Variants in KTN1 observed in about 807,000 individuals in gnomAD.
KTN1 encodes kinectin.
In KTN1, 130 loss-of-function variants were observed where a neutral mutation model predicts 222.5. The observed-to-expected ratio is 0.58, with a 90% confidence interval of 0.51 to 0.68. KTN1 has a LOEUF of 0.68. Among genes scored for constraint, KTN1 ranks in the 30% least tolerant of loss-of-function variants. The pLI, the probability that KTN1 is intolerant of heterozygous loss-of-function variation, is 0.00. For synonymous variants in KTN1, 512 were observed against 496.3 expected (o/e 1.03, Z -0.42); for missense variants, 1,508 against 1,500.4 (o/e 1.01, Z -0.08).
At chr14:55,677,500 A>G (rs1041592150) in intron 41 of KTN1, among the ~76,000 whole-genome samples, 3 of 151,530 alleles carry the variant, frequency 2.0e-5, no homozygotes, top group African/African-American at 7.3e-5. Flanking sequence ...AAAAAAGTTA[A>G]TAACATACTT....
intron 41 of KTN1, among the ~76,000 whole-genome samples, chr14:55,677,473 T>TGAAA (rs1480126453): frequency 1.0e-5 from 1 of 98,338 alleles, no homozygotes; most frequent in Non-Finnish European, 2.1e-5. Flanking sequence ...AAAGACTGTC[T>TGAAA]AAAAAAAAAA....
intron 5 of KTN1, among the ~76,000 whole-genome samples, chr14:55,627,571 C>T (rs756027129): frequency 2.6e-5 from 4 of 152,154 alleles, no homozygotes; most frequent in Non-Finnish European, 4.4e-5. Flanking sequence ...CTGTCATCTA[C>T]ATTAGGTATT....
At chr14:55,630,606 C>T (rs2040400837) in intron 7 of KTN1, among the ~76,000 whole-genome samples, 1 of 151,942 alleles carries the variant, frequency 6.6e-6, no homozygotes. Context: ...ATGAGAAATA[C>T]AGTAAGAGTT....
chr14:55,674,632 T>C (rs1207075205), intron 40 of KTN1: 1 of 152,180 alleles, frequency 6.6e-6, no homozygotes, highest in Non-Finnish European at 1.5e-5. Context: ...CATTTCTAAC[T>C]AGTTGTTAGA....
chr14:55,582,944 T>G (rs1442455156), intron 1 of KTN1, among the ~76,000 whole-genome samples: 1 of 152,194 alleles, frequency 6.6e-6, no homozygotes, highest in Non-Finnish European at 1.5e-5. Flanking sequence ...GTGACATTGG[T>G]GATCACTCAT....
intron 5 of KTN1, among the ~76,000 whole-genome samples, chr14:55,619,669 C>T (rs1262504903): frequency 6.6e-6 from 1 of 152,022 alleles, no homozygotes; most frequent in Non-Finnish European, 1.5e-5. Context: ...ACCATCAGAC[C>T]TTGTAAGGCT....
At chr14:55,654,488 A>G (rs912023184) in intron 28 of KTN1, among the ~76,000 whole-genome samples, 1 of 150,996 alleles carries the variant, frequency 6.6e-6, no homozygotes, top group African/African-American at 2.4e-5. Flanking sequence ...TTTATAGTAG[A>G]GATATGTAGA....
chr14:55,647,157 C>T, intron 19 of KTN1, 150 bp downstream of exon 19: 2 of 593,234 alleles, frequency 3.4e-6, no homozygotes, highest in Non-Finnish European at 6.0e-6. Context: ...TTGTGGGTTT[C>T]ACGTGTGGCA....
intron 5 of KTN1, among the ~76,000 whole-genome samples, chr14:55,626,277 A>G (rs989638889): frequency 1.3e-5 from 2 of 150,474 alleles, no homozygotes; most frequent in Non-Finnish European, 3.0e-5. Flanking sequence ...TCTCTTCACC[A>G]TTGTCTCTAT....
chr14:55,602,429 AT>A (rs1298632451), intron 1 of KTN1, among the ~76,000 whole-genome samples: 1 of 152,194 alleles, frequency 6.6e-6, no homozygotes. Context: ...TCGCAGTGAG[AT>A]TATAAATTCA....
rs553022066 is a variant in KTN1 at position 55,642,871 on chromosome 14, G to A, written c.2172+1111G>A. The stretch of plus-strand genomic sequence containing the variant: ...GTAATAGAGGAGACAGTGCTGAAGG[G>A]ATGATATTTAGTTTAAATGGCATTT... On this transcript the variant is annotated intron_variant, in intron 18 of 43. Coordinates refer to ENST00000395314, the MANE Select transcript of KTN1 (RefSeq NM_001079521.2). Among the ~76,000 whole-genome samples, 21 of 151,472 alleles carry A rather than the reference G, an allele frequency of 1.4e-4. No individual in the cohort carries two copies. The South Asian group carries it at 2.9e-3, about 21-fold the overall frequency.
chr14:55,582,821 A>G (rs149197764), intron 1 of KTN1, among the ~76,000 whole-genome samples: 2 of 152,294 alleles, frequency 1.3e-5, no homozygotes, highest in African/African-American at 4.8e-5. Context: ...GATCGTTCAT[A>G]TATTTGAGAA....
Position 55,641,209 on chromosome 14 carries a change from G to A in KTN1, c.2103+1G>A. 1.9e-6 allele frequency: 3 copies of A among 1,566,130 alleles called. No individual in the cohort carries two copies. The highest frequency in any genetic ancestry group is 1.7e-6 in the Non-Finnish European group (2 of 1,150,456). ...TTCAAACAAAATGGAAGAATTTAAG[G>A]TGTGTGATTAAGCTTGTACACTCAG... On this transcript the variant is annotated splice_donor_variant, in intron 17 of 43. Coordinates refer to ENST00000395314, the MANE Select transcript of KTN1 (RefSeq NM_001079521.2). LOFTEE classifies it high-confidence loss of function.
chr14:55,671,372 C>T, intron 35 of KTN1, 194 bp from the exon 36 acceptor site: 1 of 561,124 alleles, frequency 1.8e-6, no homozygotes, highest in East Asian at 3.0e-5. Context: ...TTTATTATAA[C>T]ATTGTTTAAT....
chr14:55,587,774 C>T (rs2033323014), intron 1 of KTN1, among the ~76,000 whole-genome samples: 1 of 152,140 alleles, frequency 6.6e-6, no homozygotes, highest in Admixed American at 6.5e-5. Context: ...GTTTCAGGTG[C>T]TGTGCTGGAT....
intron 1 of KTN1, among the ~76,000 whole-genome samples, chr14:55,584,833 A>G (rs2032605235): frequency 6.6e-6 from 1 of 152,188 alleles, no homozygotes; most frequent in Non-Finnish European, 1.5e-5. Context: ...AATTTGTTGA[A>G]CACAATAATT....
Position 55,637,308 on chromosome 14 carries a change from A to G in KTN1, c.1660A>G (p.Met554Val). The G allele has an allele frequency of 6.2e-7, 1 of 1,611,686 alleles. No homozygotes were observed. Among genetic ancestry groups the G allele is most frequent in the East Asian group, 2.2e-5 (1 of 44,810 alleles). ...GTTGGAGCAAAGACTAATGCAGTTAATGGAATCAGAGCAGAAAAGGGTGAA... is the reference window on the plus strand; with the variant it reads ...GTTGGAGCAAAGACTAATGCAGTTAGTGGAATCAGAGCAGAAAAGGGTGAA... ...QQLEQRLMQLMESEQKRVNKE... is the reference protein window; with the variant it reads ...QQLEQRLMQLVESEQKRVNKE... The change falls in exon 11 of 44, where the codon ATG becomes GTG. Residue 554 changes from methionine (M) to valine (V), a missense_variant. Transcript: ENST00000395314.
At chr14:55,611,982 T>C in intron 1 of KTN1, 37 bp from the exon 2 acceptor site, 1 of 218,430 alleles carries the variant, frequency 4.6e-6, no homozygotes, top group Non-Finnish European at 7.8e-6. Context: ...TGACAGGTTC[T>C]TTTTTTTTTT....
At chr14:55,661,422 G>A (rs906447431) in intron 31 of KTN1, 100 bp from the exon 32 acceptor site, 3 of 670,944 alleles carry the variant, frequency 4.5e-6, no homozygotes, top group Non-Finnish European at 8.1e-6. Context: ...GCTATCTCTT[G>A]ATATTTTTAT....
Sources: allele counts gnomAD v4.1 joint callset (sites outside exome capture counted in the v4.1 genomes callset), GRCh38; gene constraint gnomAD v4.1.1; transcripts MANE v1.5; gene names NCBI Gene and HGNC (gene_info 2026-07-23, HGNC 2026-07-21).